SEMA6D: variants seen among roughly 807,000 people sequenced by gnomAD.
SEMA6D encodes the protein semaphorin-6D.
SEMA6D carries 35 observed loss-of-function variants against 106.6 expected under a neutral mutation model. The ratio of observed to expected loss-of-function variants is 0.33; its 90% CI spans 0.25 to 0.44. The LOEUF is 0.44. SEMA6D is among the 20% of genes least tolerant of loss of function. The probability of loss-of-function intolerance (pLI) is 1.00; values close to 1 mark genes in which losing one functional copy is unlikely to be tolerated. For missense variants in SEMA6D, 1,185 were observed against 1,345.9 expected, an observed-to-expected ratio of 0.88 and a Z score of 1.87; for synonymous variants, 499 against 487.7, an observed-to-expected ratio of 1.02 and a Z score of -0.31.
chr15:47,233,341 C>G (rs954065125), intron 1 of SEMA6D, among the ~76,000 whole-genome samples: 1 of 151,906 alleles, frequency 6.6e-6, no homozygotes, highest in Admixed American at 6.6e-5. Context: ...ACTGTACTTT[C>G]GCAATAAGTT....
At chr15:47,406,378 C>T (rs2040568958) in intron 1 of SEMA6D, among the ~76,000 whole-genome samples, 1 of 152,242 alleles carries the variant, frequency 6.6e-6, no homozygotes, top group African/African-American at 2.4e-5. Context: ...ACTGAGACTT[C>T]CTGCACCTGT....
intron 4 of SEMA6D, chr15:47,603,356 C>T (rs1183714068): frequency 6.6e-6 from 1 of 152,150 alleles, no homozygotes; most frequent in Non-Finnish European, 1.5e-5. Context: ...ATGGATGCCT[C>T]TTCTCTTTGT....
Position 47,770,642 on chromosome 15 carries a change from A to G in SEMA6D, c.2079A>G (p.Lys693=). The change falls in exon 19 of 19, where the codon AAA becomes AAG. Residue 693 remains lysine (K), a synonymous_variant. Transcript: ENST00000536845. ...GCTATCGAGACATGTTTGTTCGGAA[A>G]AACAGAAAGATCCATAAAGATGCAG... is the stretch of plus-strand genomic sequence containing the variant. ...VYCYRDMFVR[K]NRKIHKDAES... is the part of the protein sequence containing the mutation. The G allele has an allele frequency of 6.2e-7, 1 of 1,614,060 alleles. No individual in the cohort carries two copies. The highest frequency in any genetic ancestry group is 8.5e-7 in the Non-Finnish European group (1 of 1,179,974).
At chr15:47,249,207 G>A (rs1036628135) in intron 1 of SEMA6D, among the ~76,000 whole-genome samples, 2 of 152,136 alleles carry the variant, frequency 1.3e-5, no homozygotes, top group African/African-American at 2.4e-5. Context: ...CAGCCTGGGC[G>A]AGGGAGTGAG....
At chr15:47,535,649 T>C (rs541111952) in intron 3 of SEMA6D, among the ~76,000 whole-genome samples, 21 of 151,190 alleles carry the variant, frequency 1.4e-4, no homozygotes, top group African/African-American at 5.1e-4. Flanking sequence ...AAAACCACTA[T>C]AATACTAGAT....
chr15:47,552,116 GCCC>G (rs2045713680), intron 3 of SEMA6D, among the ~76,000 whole-genome samples: 1 of 152,066 alleles, frequency 6.6e-6, no homozygotes, highest in Non-Finnish European at 1.5e-5. Context: ...CCATCTAAGT[GCCC>G]AATAGTAGAA....
chr15:47,270,533 T>G (rs1360346207), intron 1 of SEMA6D, among the ~76,000 whole-genome samples: 2 of 152,134 alleles, frequency 1.3e-5, no homozygotes, highest in Admixed American at 6.6e-5. Context: ...TATCCTTGCC[T>G]TCTTCTCAAT....
intron 1 of SEMA6D, among the ~76,000 whole-genome samples, chr15:47,264,351 T>TC (rs1208574603): frequency 6.6e-6 from 1 of 152,016 alleles, no homozygotes; most frequent in Non-Finnish European, 1.5e-5. Flanking sequence ...GTTTTTTTTT[T>TC]TTAAATATTG....
At chr15:47,633,293 C>A (rs925663933) in intron 4 of SEMA6D, among the ~76,000 whole-genome samples, 1 of 152,004 alleles carries the variant, frequency 6.6e-6, no homozygotes, top group African/African-American at 2.4e-5. Context: ...CCTATTTAGT[C>A]ATTGCCATTT....
intron 3 of SEMA6D, among the ~76,000 whole-genome samples, chr15:47,530,003 T>G (rs2142048561): frequency 6.6e-6 from 1 of 152,300 alleles, no homozygotes; most frequent in South Asian, 2.1e-4. Flanking sequence ...CAGCCTGAGC[T>G]TACCAAGTTC....
chr15:47,665,764 C>A (rs181207370), intron 4 of SEMA6D, among the ~76,000 whole-genome samples: 2 of 152,150 alleles, frequency 1.3e-5, no homozygotes, highest in Admixed American at 1.3e-4. Flanking sequence ...GAGCCAAGAT[C>A]GTGCCACTGC....
intron 1 of SEMA6D, among the ~76,000 whole-genome samples, chr15:47,264,145 G>A (rs930136611): frequency 6.6e-6 from 1 of 151,940 alleles, no homozygotes; most frequent in African/African-American, 2.4e-5. Context: ...GCTAAATGAT[G>A]AGGACACATG....
chr15:47,214,041 T>C (rs1365436994), intron 1 of SEMA6D, among the ~76,000 whole-genome samples: 1 of 152,056 alleles, frequency 6.6e-6, no homozygotes, highest in Non-Finnish European at 1.5e-5. Flanking sequence ...TGAGATTGGG[T>C]CATTGATCAG....
At chr15:47,766,563 G>A (rs1163521563) in intron 15 of SEMA6D, 53 bp from the exon 16 acceptor site, 1 of 1,567,892 alleles carries the variant, frequency 6.4e-7, no homozygotes, top group African/African-American at 1.4e-5. Flanking sequence ...GTTGTCACTT[G>A]TGTTCCTATG....
chr15:47,768,371 C>A (rs2082455659), intron 17 of SEMA6D, among the ~76,000 whole-genome samples: 1 of 152,154 alleles, frequency 6.6e-6, no homozygotes, highest in South Asian at 2.1e-4. Context: ...ATTTTGAAAT[C>A]TGCTGAATAT....
chr15:47,341,308 T>G (rs2037802874), intron 1 of SEMA6D, among the ~76,000 whole-genome samples: 3 of 152,100 alleles, frequency 2.0e-5, no homozygotes, highest in Admixed American at 1.3e-4. Flanking sequence ...GAGAATTGCT[T>G]GAACCCGGGA....
At chr15:47,419,397 G>A (rs972498807) in intron 2 of SEMA6D, among the ~76,000 whole-genome samples, 2 of 152,048 alleles carry the variant, frequency 1.3e-5, no homozygotes, top group Non-Finnish European at 2.9e-5. Context: ...ATTAAATAAG[G>A]ATAGTATTAG....
intron 2 of SEMA6D, among the ~76,000 whole-genome samples, chr15:47,423,070 T>A (rs577038399): frequency 6.6e-6 from 1 of 152,114 alleles, no homozygotes; most frequent in Admixed American, 6.6e-5. Flanking sequence ...ATAAGAGTTA[T>A]AAGCAGAGTT....
At chr15:47,227,976 TA>T (rs532998306) in intron 1 of SEMA6D, among the ~76,000 whole-genome samples, 27 of 98,090 alleles carry the variant, frequency 2.8e-4, no homozygotes, top group African/African-American at 1.1e-3. Flanking sequence ...ATATATATTT[TA>T]TATATATAAG....
Sources: allele counts gnomAD v4.1 joint callset (sites outside exome capture counted in the v4.1 genomes callset), GRCh38; gene constraint gnomAD v4.1.1; transcripts MANE v1.5; gene names NCBI Gene and HGNC (gene_info 2026-07-23, HGNC 2026-07-21).